Variants in OAS1 observed in about 807,000 individuals in gnomAD.
OAS1 encodes 2'-5'-oligoadenylate synthetase 1.
Under a neutral mutation model 38.5 loss-of-function variants are expected in OAS1, and 24 were observed. The observed-to-expected ratio is 0.62, with a 90% CI of 0.45 to 0.88. OAS1 has a LOEUF of 0.88. Among genes scored for constraint, OAS1 ranks in the 40% least tolerant of loss-of-function variants. OAS1 has a pLI of 0.00. For missense variants in OAS1, 482 were observed against 493.9 expected (o/e 0.98, Z 0.23); for synonymous variants, 169 against 193.9 (o/e 0.87, Z 1.07).
chr12:112,930,976 T>C (rs948849688), intron 6 of OAS1, among the ~76,000 whole-genome samples: 2 of 152,224 alleles, frequency 1.3e-5, no homozygotes, highest in Non-Finnish European at 2.9e-5. Context: ...GAAAATATGA[T>C]GGTTGGCTTC....
chr12:112,919,127 C>T, intron 5 of OAS1: 3 of 441,554 alleles, frequency 6.8e-6, no homozygotes, highest in South Asian at 4.6e-5. Context: ...TTCTATACCC[C>T]TACGTGGATC....
intron 3 of OAS1, among the ~76,000 whole-genome samples, chr12:112,913,196 GTCA>G (rs2043410496): frequency 6.6e-6 from 1 of 152,134 alleles, no homozygotes. Context: ...ATCTTCCAGT[GTCA>G]TCATTAAAAA....
At chr12:112,931,973 G>A in exon 7 of OAS1, 1 of 699,252 alleles carries the variant, frequency 1.4e-6, no homozygotes, top group Non-Finnish European at 2.6e-6. Flanking sequence ...TTATCCTATA[G>A]TTTCCAGGTT....
In OAS1 at chr12:112,908,636, G is replaced by A. The variant is rs1286562423; in HGVS notation, c.281G>A (p.Arg94His). The A allele has an allele frequency of 5.0e-6, 8 of 1,614,030 alleles. No individual in the cohort carries two copies. The highest frequency in any genetic ancestry group is 4.5e-5 in the East Asian group (2 of 44,896). ...PLTTFQDQLN[R>H]RGEFIQEIRR... ...ACCACTTTTCAGGATCAGTTAAATC[G>A]CCGGGGAGAGTTCATCCAGGAAATT... Residue 94 changes from arginine (R) to histidine (H), a missense_variant, in exon 2 of 6, where the codon CGC (arginine) becomes CAC (histidine). Transcript: ENST00000202917.
At chr12:112,912,306 C>T (rs2043394930) in intron 3 of OAS1, among the ~76,000 whole-genome samples, 1 of 152,128 alleles carries the variant, frequency 6.6e-6, no homozygotes. Context: ...CACTACTGCC[C>T]TCCAGCCTGT....
In OAS1 at chr12:112,907,057, T is replaced by C. The variant is rs764613269; in HGVS notation, c.18T>C (p.Asn6=). The change falls in exon 1 of 6, where the codon AAT becomes AAC. Residue 6 remains asparagine (N), a synonymous_variant. Transcript: ENST00000202917. MMDLR[N]TPAKSLDKFI... is the part of the protein sequence containing the mutation. ...TCCTGTCAATGATGGATCTCAGAAA[T>C]ACCCCAGCCAAATCTCTGGACAAGT... The C allele has an allele frequency of 3.1e-6, 5 of 1,614,120 alleles. No homozygotes were observed. Among genetic ancestry groups the C allele is most frequent in the South Asian group, 1.1e-5 (1 of 91,090 alleles).
rs1163182564 is a variant in OAS1, at chr12:112,916,480, TTTTTTCTGATTG to T, written c.655-22_655-11del. The T allele has an allele frequency of 1.3e-6, 2 of 1,598,618 alleles. No homozygotes were observed. The highest frequency in any genetic ancestry group is 2.7e-5 in the African/African-American group (2 of 74,396). On this transcript the variant is annotated splice_polypyrimidine_tract_variant and intron_variant, in intron 3 of 5. Transcript: ENST00000202917. ...TTACACAAAAGTTGAGCAAACCAATTTTTTTCTGATTGTTTTTCCTCTTCTCAGTGTAAGAAG... is the reference window on the plus strand; with the variant it reads ...TTACACAAAAGTTGAGCAAACCAATTTTTTTCCTCTTCTCAGTGTAAGAAG...
chr12:112,927,469 G>T (rs2043567008), intron 6 of OAS1, among the ~76,000 whole-genome samples: 1 of 152,052 alleles, frequency 6.6e-6, no homozygotes, highest in Non-Finnish European at 1.5e-5. Flanking sequence ...GTGACTCCCA[G>T]AATCCTATGA....
At chr12:112,928,141 G>T (rs1042803889) in intron 6 of OAS1, among the ~76,000 whole-genome samples, 1 of 152,196 alleles carries the variant, frequency 6.6e-6, no homozygotes. Flanking sequence ...CTAATAGGTA[G>T]TCCTCTGTCC....
downstream of OAS1, among the ~76,000 whole-genome samples, chr12:112,921,582 G>A (rs1159879237): frequency 6.6e-6 from 1 of 152,140 alleles, no homozygotes; most frequent in African/African-American, 2.4e-5. Context: ...AGTCCTGGAG[G>A]GGTCTGTGTT....
intron 2 of OAS1, chr12:112,909,047 C>T: frequency 2.1e-6 from 1 of 483,572 alleles, no homozygotes; most frequent in Non-Finnish European, 3.6e-6. Flanking sequence ...TCTTACAGAA[C>T]ATCTGCAAGG....
At chr12:112,927,044 C>T (rs1311474565) in intron 6 of OAS1, among the ~76,000 whole-genome samples, 1 of 152,220 alleles carries the variant, frequency 6.6e-6, no homozygotes, top group Non-Finnish European at 1.5e-5. Context: ...TAATGGTTAT[C>T]TCCCTTGTTC....
chr12:112,928,729 T>C (rs1020572052), intron 6 of OAS1, among the ~76,000 whole-genome samples: 1 of 152,172 alleles, frequency 6.6e-6, no homozygotes, highest in African/African-American at 2.4e-5. Context: ...CCACTGGCCA[T>C]GCAAGTCACA....
At chr12:112,923,480 T>G, downstream of OAS1, among the ~76,000 whole-genome samples, 1 of 152,234 alleles carries the variant, frequency 6.6e-6, no homozygotes, top group East Asian at 1.9e-4. Context: ...TTGAGTATAT[T>G]TTCATAGACC....
chr12:112,916,815 G>A, intron 4 of OAS1, 77 bp downstream of exon 4: 1 of 1,092,958 alleles, frequency 9.1e-7, no homozygotes, highest in Non-Finnish European at 1.4e-6. Flanking sequence ...TGGAAATGGA[G>A]GAGGTGGGAG....
At chr12:112,917,773 A>T (rs774202670) in intron 5 of OAS1, 73 bp downstream of exon 5, 1 of 1,614,094 alleles carries the variant, frequency 6.2e-7, no homozygotes, top group East Asian at 2.2e-5. Flanking sequence ...ATAGCTGGAG[A>T]CCATTCTTTC....
At chr12:112,915,203 T>C (rs2136314004) in intron 3 of OAS1, among the ~76,000 whole-genome samples, 1 of 152,300 alleles carries the variant, frequency 6.6e-6, no homozygotes, top group South Asian at 2.1e-4. Flanking sequence ...TAAGCCAATG[T>C]GTAGGAGGGT....
chr12:112,909,067 T>A, intron 2 of OAS1: 1 of 453,718 alleles, frequency 2.2e-6, no homozygotes, highest in Non-Finnish European at 3.8e-6. Flanking sequence ...GCTTACTGGT[T>A]CTGTTTAAGG....
exon 7 of OAS1, chr12:112,931,914 A>G (rs1023696803): frequency 1.4e-6 from 1 of 702,650 alleles, no homozygotes; most frequent in African/African-American, 1.8e-5. Context: ...GAACTATACC[A>G]ATAATTAGTG....
Sources: allele counts gnomAD v4.1 joint callset (sites outside exome capture counted in the v4.1 genomes callset), GRCh38; gene constraint gnomAD v4.1.1; transcripts MANE v1.5; gene names NCBI Gene and HGNC (gene_info 2026-07-23, HGNC 2026-07-21).